The following LETMD1 variants were observed in gnomAD, a reference collection of about 807,000 sequenced individuals.
LETMD1 encodes LETM1 domain-containing protein 1.
In LETMD1, 30 loss-of-function variants were observed where a neutral mutation model predicts 43.9. The ratio of observed to expected loss-of-function variants is 0.68; its 90% confidence interval spans 0.51 to 0.93. The LOEUF is 0.93. LETMD1 is among the 40% of genes least tolerant of loss of function. The probability of loss-of-function intolerance (pLI) is 0.00; values close to 1 mark genes in which losing one functional copy is unlikely to be tolerated. For synonymous variants in LETMD1, 176 were observed against 163.1 expected, an observed-to-expected ratio of 1.08 and a Z score of -0.60; for missense variants, 413 against 447.7, an observed-to-expected ratio of 0.92 and a Z score of 0.70.
At chr12:51,048,516 C>T (rs759841816) in intron 1 of LETMD1, 38 bp downstream of exon 1, 3 of 1,606,578 alleles carry the variant, frequency 1.9e-6, no homozygotes, top group Non-Finnish European at 2.5e-6. Flanking sequence ...TTTTGACGTC[C>T]AGGCTCTTTC....
chr12:51,059,220 A>G, intron 8 of LETMD1, 141 bp from the exon 9 acceptor site: 1 of 667,468 alleles, frequency 1.5e-6, no homozygotes, highest in South Asian at 1.8e-5. Context: ...GCTGAAACAA[A>G]GAAGGGGAAC....
chr12:51,067,002 G>T, the LETMD1 span, among the ~76,000 whole-genome samples: 1 of 141,720 alleles, frequency 7.1e-6, no homozygotes, highest in South Asian at 2.4e-4. The surrounding 1 kb of genome is among the most constrained non-coding windows in gnomAD (Gnocchi z 4.1). Flanking sequence ...GCTAATTTTT[G>T]TATTTTTTGT....
rs1945236832 is a variant in LETMD1, at chr12:51,049,194, G to A, written c.274+9G>A. The A allele has an allele frequency of 2.5e-6, 4 of 1,605,650 alleles. No homozygotes were observed. In the South Asian group the frequency reaches 3.3e-5, roughly 13 times the overall value. On this transcript the variant is annotated intron_variant, in intron 2 of 8. Transcript: ENST00000262055. Reference sequence around the variant, plus strand: ...CACAATCTTCATGAAAGGTAAAAACGAAACTACAATAGAAATTCCGGAATC... The same window carrying A: ...CACAATCTTCATGAAAGGTAAAAACAAAACTACAATAGAAATTCCGGAATC...
In LETMD1 at chr12:51,052,106, T is replaced by C; in HGVS notation, c.289T>C (p.Trp97Arg). The C allele has an allele frequency of 6.2e-7, 1 of 1,613,992 alleles. No individual in the cohort carries two copies. The highest frequency in any genetic ancestry group is 1.3e-5 in the African/African-American group (1 of 75,044). The change falls in exon 3 of 9, where the codon TGG becomes CGG. Residue 97 changes from tryptophan to arginine, a missense_variant. Coordinates refer to ENST00000262055, the MANE Select transcript of LETMD1 (RefSeq NM_015416.5). The stretch of plus-strand genomic sequence containing the variant: ...TAATGAGGCAGGATTGCAGATGTTA[T>C]GGGCTGATGCCAAAAAGGCTAGAAG... The part of the protein sequence containing the change: ...TIFMKGLQML[W>R]ADAKKARRIK...
At chr12:51,060,974 A>T (rs1010422894), downstream of LETMD1, among the ~76,000 whole-genome samples, 1 of 151,890 alleles carries the variant, frequency 6.6e-6, no homozygotes, top group African/African-American at 2.4e-5. Flanking sequence ...GCTAAGCTCC[A>T]ACAGAGCAGG....
At chr12:51,059,197 C>A in intron 8 of LETMD1, 164 bp from the exon 9 acceptor site, 1 of 610,520 alleles carries the variant, frequency 1.6e-6, no homozygotes. Flanking sequence ...GAAAGGAAGG[C>A]ATGCATACAG....
downstream of LETMD1, chr12:51,063,719 G>C (rs12317980): frequency 6.7e-7 from 1 of 1,481,762 alleles, no homozygotes; most frequent in African/African-American, 1.4e-5. Context: ...ATAGAGAATG[G>C]GTAAGAGGCA....
chr12:51,068,783 G>GA, the LETMD1 span, among the ~76,000 whole-genome samples: 20 of 149,470 alleles, frequency 1.3e-4, no homozygotes, highest in Non-Finnish European at 1.6e-4. Flanking sequence ...CTACCTTCTT[G>GA]AAAAAAAAAG....
downstream of LETMD1, among the ~76,000 whole-genome samples, chr12:51,060,881 G>A (rs760570087): frequency 4.6e-4 from 63 of 135,822 alleles, no homozygotes; most frequent in African/African-American, 6.3e-4. Flanking sequence ...CAGTCTGGGC[G>A]ACAGAATGAG....
At chr12:51,066,236 C>T in the LETMD1 span, among the ~76,000 whole-genome samples, 1 of 152,094 alleles carries the variant, frequency 6.6e-6, no homozygotes, top group Non-Finnish European at 1.5e-5. Flanking sequence ...AGGCGGATCA[C>T]GAGGTCAAGA....
At chr12:51,055,722 A>G (rs1020327872) in intron 4 of LETMD1, 113 bp from the exon 5 acceptor site, 1 of 579,956 alleles carries the variant, frequency 1.7e-6, no homozygotes, top group Non-Finnish European at 3.0e-6. Context: ...GAGGTAGGGA[A>G]ATAGTGTCTC....
chr12:51,048,627 C>G, intron 1 of LETMD1, 149 bp downstream of exon 1: 1 of 968,718 alleles, frequency 1.0e-6, no homozygotes, highest in African/African-American at 1.6e-5. Flanking sequence ...ACTCCGATCC[C>G]CACTAGTGAC....
At chr12:51,052,433 C>T in intron 3 of LETMD1, 1 of 492,800 alleles carries the variant, frequency 2.0e-6, no homozygotes, top group Non-Finnish European at 3.5e-6. Context: ...TTCTGGCACA[C>T]TTTCTGAATG....
Position 51,056,420 on chromosome 12 carries a change from C to G in LETMD1, c.833C>G (p.Thr278Ser). 1.9e-6 allele frequency: 3 copies of G among 1,614,180 alleles called. No individual in the cohort carries two copies. Among genetic ancestry groups the G allele is most frequent in the Non-Finnish European group, 2.5e-6 (3 of 1,180,036 alleles). ...PPPLLRHRLK[T>S]HTTVIHQLDK... is the part of the protein sequence containing the mutation. ...CCCTTGTTGAGACATCGTTTGAAGACTCATACAACTGTGATTCACCAACTG... is the reference window on the plus strand; with the variant it reads ...CCCTTGTTGAGACATCGTTTGAAGAGTCATACAACTGTGATTCACCAACTG... Residue 278 changes from threonine (T) to serine (S), a missense_variant, in exon 7 of 9, where the codon ACT becomes AGT. Coordinates refer to ENST00000262055, the MANE Select transcript of LETMD1 (RefSeq NM_015416.5).
chr12:51,052,274 G>GT (rs1946391064), intron 3 of LETMD1, 67 bp downstream of exon 3: 1 of 1,577,616 alleles, frequency 6.3e-7, no homozygotes, highest in Non-Finnish European at 8.6e-7. Flanking sequence ...AGATCTCAAG[G>GT]TTTTTTCTTT....
chr12:51,058,045 G>C lies in LETMD1; in HGVS notation c.929G>C (p.Arg310Pro). 2 of 1,611,818 alleles carry C rather than the reference G, an allele frequency of 1.2e-6. No homozygotes were observed. Among genetic ancestry groups the C allele is most frequent in the Non-Finnish European group, 1.7e-6 (2 of 1,177,950 alleles). The change falls in exon 8 of 9, where the codon CGT becomes CCT. Residue 310 changes from arginine (R) to proline (P), a missense_variant. Coordinates refer to ENST00000262055, the MANE Select transcript of LETMD1 (RefSeq NM_015416.5). ...TGAGTGGTATAGGCTTGTTATCTCC[G>C]TGGCCTGAATTCTACGCATATTGGT... ...AQEVKSACYL[R>P]GLNSTHIGED...
chr12:51,054,350 C>G (rs7974923), intron 4 of LETMD1, among the ~76,000 whole-genome samples: 135,562 of 152,212 alleles, frequency 0.89, 60,609 homozygotes, highest in East Asian at 0.98. Flanking sequence ...GATTTTGTAG[C>G]TCAAGAATTA....
chr12:51,064,530 T>G, downstream of LETMD1: 1 of 1,613,404 alleles, frequency 6.2e-7, no homozygotes, highest in Non-Finnish European at 8.5e-7. Flanking sequence ...GCGGCTCACC[T>G]GCCGCTTGCT....
At chr12:51,049,221 G>C in intron 2 of LETMD1, 36 bp downstream of exon 2, 1 of 1,586,484 alleles carries the variant, frequency 6.3e-7, no homozygotes, top group Non-Finnish European at 8.6e-7. Context: ...TCCGGAATCA[G>C]CTCTTGGGCA....
Sources: gnomAD v4.1 joint callset for allele counts (sites outside exome capture counted in the v4.1 genomes callset) on GRCh38, gnomAD v4.1.1 for gene constraint, Gnocchi (gnomAD v3.1) non-coding constraint, MANE v1.5 for transcripts, NCBI Gene and HGNC (gene_info 2026-07-23, HGNC 2026-07-21) for gene names.